The following GALNT13 variants were observed in gnomAD, a reference collection of about 807,000 sequenced individuals.
GALNT13 encodes UDP-GalNAc:polypeptide N-acetylgalactosaminyltransferase 13.
In GALNT13, 28 loss-of-function variants were observed where a neutral mutation model predicts 64.2. The observed-to-expected ratio is 0.44, with a 90% CI of 0.32 to 0.60. GALNT13 has a LOEUF of 0.60. GALNT13 is among the 20% of genes least tolerant of loss of function. The pLI, the probability that GALNT13 is intolerant of heterozygous loss-of-function variation, is 0.05. For missense variants in GALNT13, 577 were observed against 669.8 expected (o/e 0.86, Z 1.53); for synonymous variants, 214 against 224.6 (o/e 0.95, Z 0.42).
chr2:154,029,188 CAAAA>C (rs10551254), intron 3 of GALNT13, among the ~76,000 whole-genome samples: 7 of 134,302 alleles, frequency 5.2e-5, no homozygotes, highest in Non-Finnish European at 3.2e-5. Flanking sequence ...TTTTGTAAAT[CAAAA>C]AAAAAAAAAA....
intron 7 of GALNT13, among the ~76,000 whole-genome samples, chr2:154,252,993 A>T (rs572906877): frequency 6.6e-6 from 1 of 152,332 alleles, no homozygotes; most frequent in Non-Finnish European, 1.5e-5. Context: ...GAAAACAATA[A>T]AAATGAAGCA....
At chr2:153,958,824 G>A (rs1175252751) in intron 3 of GALNT13, among the ~76,000 whole-genome samples, 1 of 152,208 alleles carries the variant, frequency 6.6e-6, no homozygotes, top group East Asian at 1.9e-4. Flanking sequence ...AAGAGAGAAA[G>A]GAAAGGGTAA....
intron 4 of GALNT13, among the ~76,000 whole-genome samples, chr2:154,145,104 A>C (rs1816142): frequency 0.038 from 4,818 of 128,266 alleles, 108 homozygotes; most frequent in African/African-American, 0.074. Context: ...ATCTATCTAT[A>C]TATATATATA....
intron 8 of GALNT13, chr2:154,286,832 G>T: frequency 3.0e-6 from 1 of 336,318 alleles, no homozygotes; most frequent in Admixed American, 3.8e-5. Flanking sequence ...GTCATCACTG[G>T]TAGCAAAGAC....
chr2:153,295,984 C>T, the GALNT13 span, among the ~76,000 whole-genome samples: 1 of 152,150 alleles, frequency 6.6e-6, no homozygotes, highest in African/African-American at 2.4e-5. Flanking sequence ...TAGCAAGGGT[C>T]AAGGGCTACA....
intron 3 of GALNT13, among the ~76,000 whole-genome samples, chr2:153,958,404 A>G (rs932004668): frequency 6.6e-6 from 1 of 152,220 alleles, no homozygotes; most frequent in African/African-American, 2.4e-5. Flanking sequence ...TCAGTTTTAG[A>G]AAAGAAGTCT....
At chr2:154,041,689 C>T (rs1698986761) in intron 3 of GALNT13, among the ~76,000 whole-genome samples, 1 of 140,554 alleles carries the variant, frequency 7.1e-6, no homozygotes, top group South Asian at 2.3e-4. Context: ...ATACCATAGA[C>T]ATTTTCTGTA....
intron 3 of GALNT13, among the ~76,000 whole-genome samples, chr2:154,017,602 T>C (rs1455229987): frequency 6.6e-6 from 1 of 152,150 alleles, no homozygotes; most frequent in African/African-American, 2.4e-5. Context: ...ATAATGAATG[T>C]TTTTTTCTTG....
the GALNT13 span, among the ~76,000 whole-genome samples, chr2:153,348,585 G>C: frequency 6.6e-6 from 1 of 152,012 alleles, no homozygotes; most frequent in African/African-American, 2.4e-5. Flanking sequence ...ACCAAAGGAT[G>C]GTATAGAAAA....
chr2:153,509,750 A>C, the GALNT13 span, among the ~76,000 whole-genome samples: 1 of 152,166 alleles, frequency 6.6e-6, no homozygotes, highest in Non-Finnish European at 1.5e-5. Flanking sequence ...CCAGGGCTAG[A>C]CCATGCAAAG....
chr2:153,648,119 G>C, the GALNT13 span, among the ~76,000 whole-genome samples: 1 of 152,064 alleles, frequency 6.6e-6, no homozygotes, highest in South Asian at 2.1e-4. Context: ...TCTTCCATTT[G>C]TTTGTGTCCT....
At chr2:153,404,153 G>A in the GALNT13 span, among the ~76,000 whole-genome samples, 2 of 152,148 alleles carry the variant, frequency 1.3e-5, no homozygotes, top group Non-Finnish European at 2.9e-5. Context: ...ACTTAAATTA[G>A]TCCGAGGTGA....
chr2:153,103,917 C>T, the GALNT13 span, among the ~76,000 whole-genome samples: 1 of 152,198 alleles, frequency 6.6e-6, no homozygotes, highest in East Asian at 1.9e-4. Flanking sequence ...ATAATTCTTC[C>T]TTCTCTGAGC....
intron 3 of GALNT13, among the ~76,000 whole-genome samples, chr2:154,124,733 A>C (rs1204560485): frequency 1.3e-5 from 2 of 152,122 alleles, no homozygotes; most frequent in African/African-American, 4.8e-5. Context: ...TTTTAAATCA[A>C]TGACCATGAG....
chr2:153,884,803 A>ATGTGTGTGTG (rs764301374), intron 1 of GALNT13, among the ~76,000 whole-genome samples: 1 of 132,852 alleles, frequency 7.5e-6, no homozygotes, highest in Non-Finnish European at 1.5e-5. Flanking sequence ...GTATATATAT[A>ATGTGTGTGTG]TATGTGTGTG....
the GALNT13 span, among the ~76,000 whole-genome samples, chr2:153,290,937 A>G: frequency 1.3e-5 from 2 of 152,212 alleles, no homozygotes; most frequent in Non-Finnish European, 2.9e-5. Context: ...GCCATTTTCT[A>G]TAGTGTTCAC....
chr2:154,367,749 T>C (rs1438892117), intron 9 of GALNT13, among the ~76,000 whole-genome samples: 1 of 152,196 alleles, frequency 6.6e-6, no homozygotes, highest in Non-Finnish European at 1.5e-5. Context: ...ACCTTGCCAA[T>C]TTCTCTATTG....
the GALNT13 span, among the ~76,000 whole-genome samples, chr2:153,657,332 G>A: frequency 6.6e-6 from 1 of 152,122 alleles, no homozygotes; most frequent in African/African-American, 2.4e-5. Context: ...TGTCCAGAAT[G>A]AGCGGAAGAG....
the GALNT13 span, among the ~76,000 whole-genome samples, chr2:153,122,786 C>A: frequency 6.6e-6 from 1 of 152,108 alleles, no homozygotes; most frequent in East Asian, 1.9e-4. Flanking sequence ...TGCATCTTTA[C>A]CAAGCACCCT....
Sources: gnomAD v4.1 joint callset for allele counts (sites outside exome capture counted in the v4.1 genomes callset) on GRCh38, gnomAD v4.1.1 for gene constraint, MANE v1.5 for transcripts, NCBI Gene and HGNC (gene_info 2026-07-23, HGNC 2026-07-21) for gene names.